The following MTA3 variants were observed in gnomAD, a reference collection of about 807,000 sequenced individuals.
The protein encoded by MTA3 is metastasis associated 1 family member 3, also known as metastasis-associated protein MTA3.
In MTA3, 34 loss-of-function variants were observed where a neutral mutation model predicts 83.5. The ratio of observed to expected loss-of-function variants is 0.41; its 90% CI spans 0.31 to 0.54. The LOEUF (loss-of-function observed/expected upper bound fraction) is 0.54. MTA3 is among the 20% of genes least tolerant of loss of function. The pLI, the probability that MTA3 is intolerant of heterozygous loss-of-function variation, is 0.33. For synonymous variants in MTA3, 303 were observed against 252.7 expected (o/e 1.20, Z -1.89); for missense variants, 761 against 726.4 (o/e 1.05, Z -0.55).
intron 6 of MTA3, among the ~76,000 whole-genome samples, chr2:42,653,906 A>G (rs996720679): frequency 6.6e-5 from 10 of 152,186 alleles, no homozygotes; most frequent in South Asian, 2.1e-4. Flanking sequence ...TACCACTACT[A>G]TCTATCCTTA....
intron 5 of MTA3, among the ~76,000 whole-genome samples, chr2:42,641,214 T>G (rs1687666573): frequency 6.6e-6 from 1 of 151,526 alleles, no homozygotes; most frequent in Admixed American, 6.6e-5. Context: ...GCCGGTTTTT[T>G]TTTTTTTTTT....
Position 42,755,442 on chromosome 2 carries a change from C to T in MTA3, c.*2043C>T. The T allele has an allele frequency of 2.1e-5, 21 of 985,468 alleles. No individual in the cohort carries two copies. The highest frequency in any genetic ancestry group is 2.5e-5 in the Non-Finnish European group (21 of 829,956). The allele number at this position is 985,468 out of a possible 1,614,324, so 61.0% of individuals were successfully genotyped here. On this transcript the variant is annotated 3_prime_UTR_variant, in exon 17 of 17. Transcript: ENST00000405094. ...AGAAGGGAGGCCCCTCCTATCTACC[C>T]AGTTGACATTTGGCTTTGGGAAAAG... is the stretch of plus-strand genomic sequence containing the variant.
chr2:42,584,611 C>T (rs1345206947), intron 3 of MTA3, among the ~76,000 whole-genome samples: 1 of 151,718 alleles, frequency 6.6e-6, no homozygotes, highest in Non-Finnish European at 1.5e-5. Flanking sequence ...TTACAGAAAC[C>T]CAGCACTTTG....
chr2:42,505,687 G>C (rs974506080), intron 2 of MTA3, among the ~76,000 whole-genome samples: 1 of 151,982 alleles, frequency 6.6e-6, no homozygotes, highest in Non-Finnish European at 1.5e-5. Flanking sequence ...ATCATATAAT[G>C]TCTGATATGT....
chr2:42,500,080 G>C (rs1674329219), intron 2 of MTA3, among the ~76,000 whole-genome samples: 1 of 151,796 alleles, frequency 6.6e-6, no homozygotes, highest in East Asian at 1.9e-4. Context: ...ACCAGCCTGG[G>C]CAACATGGTG....
intron 3 of MTA3, among the ~76,000 whole-genome samples, chr2:42,580,033 T>G (rs1679445799): frequency 6.6e-6 from 1 of 152,156 alleles, no homozygotes; most frequent in African/African-American, 2.4e-5. Flanking sequence ...AGCCTCGATG[T>G]CCCGGGCTGA....
At chr2:42,559,025 C>T (rs908831208) in intron 2 of MTA3, among the ~76,000 whole-genome samples, 14 of 152,126 alleles carry the variant, frequency 9.2e-5, no homozygotes, top group Non-Finnish European at 7.4e-5. Context: ...CCCTCCTCTC[C>T]ACCCACACTC....
At chr2:42,504,726 G>A (rs187653712) in intron 2 of MTA3, among the ~76,000 whole-genome samples, 9 of 151,114 alleles carry the variant, frequency 6.0e-5, no homozygotes, top group Admixed American at 4.0e-4. Flanking sequence ...TGAACTCCCG[G>A]GTTCAAGCAG....
At chr2:42,651,571 G>A (rs539491833) in intron 6 of MTA3, among the ~76,000 whole-genome samples, 10 of 151,424 alleles carry the variant, frequency 6.6e-5, no homozygotes, top group East Asian at 1.9e-4. Flanking sequence ...TGAGGCTGGC[G>A]GATGACTTGA....
intron 8 of MTA3, among the ~76,000 whole-genome samples, chr2:42,673,413 C>G (rs1305353911): frequency 6.6e-6 from 1 of 152,036 alleles, no homozygotes; most frequent in Non-Finnish European, 1.5e-5. Flanking sequence ...ATGGGTTTAT[C>G]AGGGTATTAA....
chr2:42,642,581 A>C (rs1304328836), intron 5 of MTA3, among the ~76,000 whole-genome samples: 2 of 152,148 alleles, frequency 1.3e-5, no homozygotes, highest in Non-Finnish European at 2.9e-5. Flanking sequence ...TCTGTAAAGC[A>C]AAACAAAAAA....
intron 5 of MTA3, among the ~76,000 whole-genome samples, chr2:42,641,882 A>G (rs932843303): frequency 3.3e-5 from 5 of 151,868 alleles, no homozygotes; most frequent in African/African-American, 9.7e-5. Context: ...AAAAAAATAG[A>G]CATTGGAGAG....
chr2:42,623,451 C>G (rs1420931746), intron 4 of MTA3, among the ~76,000 whole-genome samples: 1 of 152,204 alleles, frequency 6.6e-6, no homozygotes, highest in African/African-American at 2.4e-5. Flanking sequence ...ACGCCGCTGT[C>G]TTTGGGTCTT....
rs151155471 is a variant in MTA3, at chr2:42,497,543, C to G, written c.-141+2289C>G. ...GAAGTTGCAGTGAGCCGAGATCGCT[C>G]CACTGCCCTTGAGCCTGGGTGATGG... On this transcript the variant is annotated intron_variant, in intron 2 of 17. Coordinates refer to the MTA3 transcript ENST00000405592. 5.4e-3 allele frequency among the ~76,000 whole-genome samples: 815 copies of G among 151,926 alleles called. 5 individuals are homozygous for G. The highest frequency in any genetic ancestry group is 0.014 in the Middle Eastern group (4 of 294).
intron 16 of MTA3, among the ~76,000 whole-genome samples, chr2:42,727,288 G>A (rs1291278053): frequency 6.6e-6 from 1 of 152,014 alleles, no homozygotes; most frequent in Non-Finnish European, 1.5e-5. Flanking sequence ...AAGAATAAAG[G>A]TTCAAAATTA....
intron 3 of MTA3, among the ~76,000 whole-genome samples, chr2:42,600,689 C>T (rs373860292): frequency 1.3e-5 from 2 of 151,698 alleles, no homozygotes; most frequent in African/African-American, 2.4e-5. Flanking sequence ...TACAGGGATG[C>T]GCCACCACAC....
chr2:42,508,326 A>G (rs938497785), intron 2 of MTA3, among the ~76,000 whole-genome samples: 2 of 152,044 alleles, frequency 1.3e-5, no homozygotes, highest in Admixed American at 6.6e-5. Flanking sequence ...TATATGAACT[A>G]TAGACTTATT....
chr2:42,724,277 A>ACAC (rs1553396461), intron 16 of MTA3, among the ~76,000 whole-genome samples: 3,656 of 73,138 alleles, frequency 0.05, 177 homozygotes, highest in Admixed American at 0.083. Context: ...AGTCCTGAAA[A>ACAC]ACACACACAC....
chr2:42,678,137 G>A (rs560132307), intron 8 of MTA3, among the ~76,000 whole-genome samples: 11 of 151,772 alleles, frequency 7.2e-5, no homozygotes, highest in African/African-American at 2.4e-4. Context: ...ATCAATTCTT[G>A]TGTTTTGTTT....
Sources: gnomAD v4.1 joint callset for allele counts (sites outside exome capture counted in the v4.1 genomes callset) on GRCh38, gnomAD v4.1.1 for gene constraint, MANE v1.5 for transcripts, NCBI Gene and HGNC (gene_info 2026-07-23, HGNC 2026-07-21) for gene names.